The following SRD5A2 variants were observed in gnomAD, a reference collection of about 807,000 sequenced individuals.
SRD5A2 encodes 3-oxo-5-alpha-steroid 4-dehydrogenase 2.
A neutral mutation model predicts 27.4 loss-of-function variants in SRD5A2; 30 were observed. The observed-to-expected ratio is 1.10, with a 90% CI of 0.82 to 1.49. The LOEUF is 1.49. Among genes scored for constraint, SRD5A2 ranks in the 40% most tolerant of loss-of-function variants. SRD5A2 has a pLI of 0.00. For synonymous variants in SRD5A2, 141 were observed against 133.6 expected (o/e 1.06, Z -0.38); for missense variants, 348 against 323.4 (o/e 1.08, Z -0.58).
At chr2:31,624,663 C>G in the SRD5A2 span, among the ~76,000 whole-genome samples, 1 of 152,144 alleles carries the variant, frequency 6.6e-6, no homozygotes, top group Non-Finnish European at 1.5e-5. Context: ...CAGCCTCATC[C>G]ATGTCCCTAC....
At chr2:31,649,741 T>C in the SRD5A2 span, among the ~76,000 whole-genome samples, 1 of 152,172 alleles carries the variant, frequency 6.6e-6, no homozygotes, top group African/African-American at 2.4e-5. Context: ...TTTTTGAATC[T>C]GTATATGATA....
the SRD5A2 span, among the ~76,000 whole-genome samples, chr2:31,635,322 T>C: frequency 3.9e-4 from 60 of 152,318 alleles, no homozygotes; most frequent in South Asian, 0.012. Context: ...ATTTTTTATA[T>C]ACCTGTTGGC....
At chr2:31,550,463 A>G (rs565376282) in intron 1 of SRD5A2, among the ~76,000 whole-genome samples, 374 of 152,020 alleles carry the variant, frequency 2.5e-3, no homozygotes, top group African/African-American at 8.4e-3. Flanking sequence ...AAAAAATTAC[A>G]GGCTACTAGT....
chr2:31,577,094 A>G (rs1318646143), intron 1 of SRD5A2, among the ~76,000 whole-genome samples: 1 of 54,002 alleles, frequency 1.9e-5, no homozygotes, highest in Non-Finnish European at 3.6e-5. Context: ...ACATGTATAC[A>G]TATGTAACTA....
At chr2:31,656,374 C>A in the SRD5A2 span, among the ~76,000 whole-genome samples, 2 of 152,128 alleles carry the variant, frequency 1.3e-5, no homozygotes, top group African/African-American at 2.4e-5. Context: ...AGTTTCTTGA[C>A]CTCTAGACTT....
chr2:31,532,725 A>G (rs925772666), intron 2 of SRD5A2, among the ~76,000 whole-genome samples: 27 of 152,072 alleles, frequency 1.8e-4, no homozygotes, highest in African/African-American at 2.4e-5. Context: ...TTGATATAAA[A>G]CAAGGATTTT....
intron 1 of SRD5A2, among the ~76,000 whole-genome samples, chr2:31,579,054 C>T (rs1667015834): frequency 6.6e-6 from 1 of 152,180 alleles, no homozygotes; most frequent in African/African-American, 2.4e-5. Context: ...ATCCAACATC[C>T]TTCTTTCTGT....
the SRD5A2 span, among the ~76,000 whole-genome samples, chr2:31,623,605 G>A: frequency 6.6e-6 from 1 of 151,988 alleles, no homozygotes; most frequent in Non-Finnish European, 1.5e-5. Context: ...TGAGAGTGTT[G>A]ACCTTTGAAT....
the SRD5A2 span, among the ~76,000 whole-genome samples, chr2:31,659,162 G>A: frequency 6.6e-6 from 1 of 152,008 alleles, no homozygotes; most frequent in Non-Finnish European, 1.5e-5. Flanking sequence ...GAACAAACTA[G>A]GCATTGAAGG....
chr2:31,536,879 AC>A (rs1048820066), intron 1 of SRD5A2, among the ~76,000 whole-genome samples: 1 of 152,142 alleles, frequency 6.6e-6, no homozygotes, highest in Non-Finnish European at 1.5e-5. Flanking sequence ...ATTACCTCCT[AC>A]ACCTCTAATG....
the SRD5A2 span, among the ~76,000 whole-genome samples, chr2:31,620,654 T>C: frequency 6.6e-6 from 1 of 151,944 alleles, no homozygotes; most frequent in African/African-American, 2.4e-5. Flanking sequence ...CGTTAGTGTA[T>C]ACTTAGTATA....
intron 1 of SRD5A2, among the ~76,000 whole-genome samples, chr2:31,567,456 G>GTATATATATATATATA (rs1553327758): frequency 5.0e-5 from 7 of 140,308 alleles, no homozygotes; most frequent in African/African-American, 1.9e-4. Context: ...GTGTGTGTGT[G>GTATATATATATATATA]TATATATATA....
the SRD5A2 span, among the ~76,000 whole-genome samples, chr2:31,631,229 G>A: frequency 5.3e-5 from 8 of 152,220 alleles, no homozygotes; most frequent in Non-Finnish European, 4.4e-5. Flanking sequence ...CAAAGGCAAC[G>A]TTGGGCAGGC....
chr2:31,560,723 C>A (rs981637751), intron 1 of SRD5A2, among the ~76,000 whole-genome samples: 1 of 152,108 alleles, frequency 6.6e-6, no homozygotes. Context: ...CTTTTATGCA[C>A]CTGCTCTTTT....
In SRD5A2 at chr2:31,526,107, G is replaced by A. The variant is rs574284001; in HGVS notation, c.*89C>T. Reference sequence around the variant, plus strand: ...GAGACCTACTATTACATATATACGGGACTATTATATCATGAAAATTACAGT... The same window carrying A: ...GAGACCTACTATTACATATATACGGAACTATTATATCATGAAAATTACAGT... On this transcript the variant is annotated 3_prime_UTR_variant, in exon 5 of 5. Transcript: ENST00000622030. 6 of 809,364 alleles carry A rather than the reference G, an allele frequency of 7.4e-6. No individual in the cohort carries two copies. In the Admixed American group the frequency reaches 1.1e-4, roughly 15 times the overall value. The allele number at this position is 809,364 out of a possible 1,614,324, so 50.1% of individuals were successfully genotyped here. A position where few individuals can be genotyped will look rare whatever the true frequency, so the allele number is the denominator to read the frequency against.
chr2:31,566,181 C>T (rs575331297), intron 1 of SRD5A2, among the ~76,000 whole-genome samples: 9 of 152,058 alleles, frequency 5.9e-5, no homozygotes, highest in African/African-American at 1.4e-4. Context: ...AACAACATGT[C>T]GGAATTTGTG....
At chr2:31,559,072 C>A (rs866311423) in intron 1 of SRD5A2, among the ~76,000 whole-genome samples, 1 of 152,190 alleles carries the variant, frequency 6.6e-6, no homozygotes, top group Non-Finnish European at 1.5e-5. Context: ...TGGGCCCCAC[C>A]ACCATGGCCA....
chr2:31,603,649 C>G, the SRD5A2 span, among the ~76,000 whole-genome samples: 1 of 151,848 alleles, frequency 6.6e-6, no homozygotes, highest in African/African-American at 2.4e-5. Context: ...AACCTAAATA[C>G]TCATCATTTA....
chr2:31,653,174 G>A, the SRD5A2 span, among the ~76,000 whole-genome samples: 68,055 of 151,780 alleles, frequency 0.45, 15,441 homozygotes, highest in Non-Finnish European at 0.47. Flanking sequence ...TCAGAAGTCC[G>A]TCCTAGTTCC....
Sources: allele counts gnomAD v4.1 joint callset (sites outside exome capture counted in the v4.1 genomes callset), GRCh38; gene constraint gnomAD v4.1.1; transcripts MANE v1.5; gene names NCBI Gene and HGNC (gene_info 2026-07-23, HGNC 2026-07-21).